The following RUFY3 variants were observed in gnomAD, a reference collection of about 807,000 sequenced individuals.
RUFY3 encodes the protein protein RUFY3.
A neutral mutation model predicts 84.0 loss-of-function variants in RUFY3; 34 were observed. The ratio of observed to expected loss-of-function variants is 0.40; its 90% CI spans 0.31 to 0.54. The LOEUF (loss-of-function observed/expected upper bound fraction) is 0.54, where lower values mean the gene tolerates loss of function less well. RUFY3 is among the 20% of genes least tolerant of loss of function. The pLI is 0.39. For missense variants in RUFY3, 507 were observed against 736.8 expected (o/e 0.69, Z 3.61); for synonymous variants, 242 against 252.9 (o/e 0.96, Z 0.41).
In RUFY3 at chr4:70,794,253, A is replaced by T. The variant is rs143198782; in HGVS notation, c.1457+349A>T. Among the ~76,000 whole-genome samples, 1,223 of 152,268 alleles carry T rather than the reference A, an allele frequency of 8.0e-3. 10 individuals are homozygous for T. The highest frequency in any genetic ancestry group is 0.048 in the Middle Eastern group (14 of 294). On this transcript the variant is annotated intron_variant, in intron 13 of 17. Coordinates refer to ENST00000381006, the MANE Select transcript of RUFY3 (RefSeq NM_001037442.4). ...CTCCTAATATCTTCATATCAACCCTATTAGTGATATTATTGCCTCCACTTT... is the reference window on the plus strand; with the variant it reads ...CTCCTAATATCTTCATATCAACCCTTTTAGTGATATTATTGCCTCCACTTT...
rs183965467 is a variant in RUFY3 at position 70,727,758 on chromosome 4, G to A, written c.178+5007G>A. 5.5e-3 allele frequency among the ~76,000 whole-genome samples: 814 copies of A among 148,814 alleles called. 12 individuals carry two copies. The highest frequency in any genetic ancestry group is 0.019 in the African/African-American group (751 of 40,526). ...GCCGAGATCGTGCCACTGCACTCCAGCCTGGGCAACAAGAGAGAAACTCTG... is the reference window on the plus strand; with the variant it reads ...GCCGAGATCGTGCCACTGCACTCCAACCTGGGCAACAAGAGAGAAACTCTG... On this transcript the variant is annotated intron_variant, in intron 1 of 17. Transcript: ENST00000381006.
At chr4:70,783,274 C>G (rs1316461568) in intron 9 of RUFY3, 91 bp downstream of exon 9, 4 of 784,754 alleles carry the variant, frequency 5.1e-6, no homozygotes, top group Non-Finnish European at 6.5e-6. Flanking sequence ...TTTTAAGCAG[C>G]TGGCCTGTAT....
At chr4:70,787,589 G>T (rs1437432012) in intron 10 of RUFY3, among the ~76,000 whole-genome samples, 1 of 151,838 alleles carries the variant, frequency 6.6e-6, no homozygotes, top group African/African-American at 2.4e-5. Flanking sequence ...AAAACAAAGC[G>T]ATATTATTTT....
At chr4:70,744,248 G>T (rs1311323295) in intron 1 of RUFY3, among the ~76,000 whole-genome samples, 1 of 151,918 alleles carries the variant, frequency 6.6e-6, no homozygotes, top group Admixed American at 6.6e-5. Context: ...GCCCAGGCTG[G>T]AGTGCAGTGG....
chr4:70,755,045 A>G (rs1290586147), intron 1 of RUFY3, among the ~76,000 whole-genome samples: 2 of 152,086 alleles, frequency 1.3e-5, no homozygotes, highest in Non-Finnish European at 2.9e-5. Context: ...CTGGGATTAC[A>G]GGCGCCTGCC....
At chr4:70,706,647 G>A (rs1309187199) in intron 1 of RUFY3, among the ~76,000 whole-genome samples, 5 of 152,208 alleles carry the variant, frequency 3.3e-5, no homozygotes, top group African/African-American at 4.8e-5. Flanking sequence ...GATTCAGCTG[G>A]AGGTTGCCCA....
chr4:70,764,171 C>T (rs1400444352), intron 3 of RUFY3, among the ~76,000 whole-genome samples: 1 of 152,224 alleles, frequency 6.6e-6, no homozygotes, highest in African/African-American at 2.4e-5. Context: ...ATATAATCCA[C>T]ACTGAATTTA....
At chr4:70,721,449 A>G (rs1742291126), upstream of RUFY3, among the ~76,000 whole-genome samples, 1 of 152,286 alleles carries the variant, frequency 6.6e-6, no homozygotes, top group East Asian at 1.9e-4. Flanking sequence ...GCCTAACCTA[A>G]AAGGTCAGGT....
intron 10 of RUFY3, among the ~76,000 whole-genome samples, chr4:70,786,653 T>C (rs1289027561): frequency 6.6e-6 from 1 of 152,200 alleles, no homozygotes; most frequent in East Asian, 1.9e-4. Context: ...CATCATGTTC[T>C]ATACCATAAA....
At chr4:70,718,444 T>A (rs72861342), upstream of RUFY3, among the ~76,000 whole-genome samples, 15,082 of 152,178 alleles carry the variant, frequency 0.099, 1,619 homozygotes, top group African/African-American at 0.27. Context: ...ATTTTTTGGA[T>A]CTTCATTTTG....
At position 70,787,025 on chromosome 4, in the gene RUFY3, C is replaced by A. The variant is rs114529722; in HGVS notation, c.1072-1781C>A. Among the ~76,000 whole-genome samples, 739 of 151,240 alleles carry A rather than the reference C, an allele frequency of 4.9e-3. 11 individuals are homozygous for A. Among genetic ancestry groups the A allele is most frequent in the African/African-American group, 0.017 (718 of 41,226 alleles). On this transcript the variant is annotated intron_variant, in intron 10 of 17. Transcript: ENST00000381006. The stretch of plus-strand genomic sequence containing the variant: ...ATCTCTACAAAAATTACAAAATTAA[C>A]CATGCTTGATAGTACATGCCTGTAT...
Position 70,794,877 on chromosome 4 carries a change from A to C in RUFY3, c.1540A>C (p.Lys514Gln). 6.2e-7 allele frequency: 1 copy of C among 1,605,560 alleles called. No individual in the cohort carries two copies. Among genetic ancestry groups the C allele is most frequent in the Non-Finnish European group, 8.5e-7 (1 of 1,173,474 alleles). Residue 514 changes from lysine (K) to glutamine (Q), a missense_variant, in exon 14 of 18, where the codon AAG (lysine) becomes CAG (glutamine). Lys to Gln is a moderately conservative substitution (Grantham distance 53). This residue lies in a region of RUFY3 where 334 missense variants were observed against 364.1 expected (regional missense o/e 0.92). Transcript: ENST00000381006. ...DRSIPGRGSQKSESKMDGKHK... is the reference protein window; with the variant it reads ...DRSIPGRGSQQSESKMDGKHK... ...GAGCATCCCAGGAAGGGGTTCCCAG[A>C]AGTCAGAATCCAAGATGGTAATATT...
At chr4:70,708,319 G>T (rs139011376) in intron 1 of RUFY3, among the ~76,000 whole-genome samples, 1 of 151,674 alleles carries the variant, frequency 6.6e-6, no homozygotes, top group South Asian at 2.1e-4. Context: ...TTACAGGTGC[G>T]CACCACCACC....
intron 1 of RUFY3, among the ~76,000 whole-genome samples, chr4:70,748,919 G>A (rs557471019): frequency 1.7e-4 from 26 of 152,234 alleles, no homozygotes; most frequent in African/African-American, 6.0e-4. Flanking sequence ...GTCCAAGGAG[G>A]ATTGTCTTCC....
At chr4:70,800,907 T>C (rs1732143918) in intron 15 of RUFY3, among the ~76,000 whole-genome samples, 1 of 152,042 alleles carries the variant, frequency 6.6e-6, no homozygotes, top group Admixed American at 6.6e-5. Context: ...TTCAAATAAG[T>C]ACTCTGATTT....
At chr4:70,801,241 T>A (rs58881771) in intron 15 of RUFY3, among the ~76,000 whole-genome samples, 4,041 of 151,896 alleles carry the variant, frequency 0.027, 77 homozygotes, top group Middle Eastern at 0.054. Flanking sequence ...AGAGGATTTT[T>A]AGGGCAGTGG....
At chr4:70,705,689 A>C (rs1271931753) in intron 1 of RUFY3, among the ~76,000 whole-genome samples, 1 of 152,134 alleles carries the variant, frequency 6.6e-6, no homozygotes, top group South Asian at 2.1e-4. Context: ...ACCTTCCCCG[A>C]AGGAGTCTAA....
chr4:70,794,347 AAGGCAGGTGTAT>A (rs1261376893), intron 13 of RUFY3, among the ~76,000 whole-genome samples: 16 of 152,140 alleles, frequency 1.1e-4, no homozygotes, highest in African/African-American at 3.6e-4. Context: ...TTGGGAGGCC[AAGGCAGGTGTAT>A]CACCTGAGGT....
intron 1 of RUFY3, among the ~76,000 whole-genome samples, chr4:70,740,998 G>C (rs955667281): frequency 4.6e-5 from 7 of 152,080 alleles, no homozygotes; most frequent in African/African-American, 1.7e-4. Context: ...TAATGTGCTT[G>C]ATTGTAGGTT....
Sources: gnomAD v4.1 joint callset for allele counts (sites outside exome capture counted in the v4.1 genomes callset) on GRCh38, gnomAD v4.1.1 for gene constraint, gnomAD v4.1.1 regional missense constraint, MANE v1.5 for transcripts, NCBI Gene and HGNC (gene_info 2026-07-23, HGNC 2026-07-21) for gene names.